Variants in ANKS1B observed in about 807,000 individuals in gnomAD.
ANKS1B encodes the protein ankyrin repeat and sterile alpha motif domain containing 1B, also known as ankyrin repeat and sterile alpha motif domain-containing protein 1B.
In ANKS1B, 36 loss-of-function variants were observed where a neutral mutation model predicts 148.3. The observed-to-expected ratio is 0.24, with a 90% CI of 0.19 to 0.32. ANKS1B has a LOEUF of 0.32. Among genes scored for constraint, ANKS1B ranks in the 10% least tolerant of loss-of-function variants. ANKS1B has a pLI of 1.00. For missense variants in ANKS1B, 1,157 were observed against 1,542.6 expected (o/e 0.75, Z 4.19); for synonymous variants, 542 against 560.8 (o/e 0.97, Z 0.47).
chr12:98,878,195 T>A, intron 17 of ANKS1B, among the ~76,000 whole-genome samples: 2 of 147,986 alleles, frequency 1.4e-5, no homozygotes, highest in Non-Finnish European at 1.5e-5. Flanking sequence ...ACTACTTGTG[T>A]AAAAAGGAGA....
intron 1 of ANKS1B, among the ~76,000 whole-genome samples, chr12:99,888,518 C>A (rs2092937742): frequency 6.6e-6 from 1 of 152,212 alleles, no homozygotes; most frequent in Admixed American, 6.5e-5. Flanking sequence ...GGGCTACTGA[C>A]CCTTAATATT....
intron 12 of ANKS1B, among the ~76,000 whole-genome samples, chr12:99,319,787 C>T (rs974201467): frequency 4.6e-5 from 7 of 152,156 alleles, no homozygotes; most frequent in East Asian, 1.9e-4. Context: ...TTCCTAGCAT[C>T]GATGGTCTTT....
At chr12:99,259,455 C>T (rs1351270465) in intron 12 of ANKS1B, among the ~76,000 whole-genome samples, 3 of 152,222 alleles carry the variant, frequency 2.0e-5, no homozygotes, top group South Asian at 4.1e-4. Context: ...GCATTTACTG[C>T]GGAAGCCAGA....
chr12:99,650,293 ACT>A (rs748125334), intron 9 of ANKS1B, among the ~76,000 whole-genome samples: 17 of 147,952 alleles, frequency 1.1e-4, no homozygotes, highest in Admixed American at 6.9e-4. Flanking sequence ...ACACACACAG[ACT>A]CTCTCTCTCT....
At chr12:98,967,221 T>G (rs2099878908) in intron 17 of ANKS1B, among the ~76,000 whole-genome samples, 1 of 152,052 alleles carries the variant, frequency 6.6e-6, no homozygotes, top group African/African-American at 2.4e-5. Context: ...CCCAAATGAC[T>G]CCTAATATGA....
intron 17 of ANKS1B, among the ~76,000 whole-genome samples, chr12:98,993,537 C>T (rs1211432520): frequency 6.6e-6 from 1 of 152,054 alleles, no homozygotes; most frequent in Non-Finnish European, 1.5e-5. Context: ...TTTACCCTCT[C>T]CATTTCGTAT....
intron 11 of ANKS1B, among the ~76,000 whole-genome samples, chr12:99,401,369 A>G (rs1199512151): frequency 6.8e-6 from 1 of 146,000 alleles, no homozygotes; most frequent in Non-Finnish European, 1.5e-5. Context: ...GCTTTGTTTT[A>G]TTGTGTTGTG....
At chr12:99,657,145 A>T (rs2098453459) in intron 8 of ANKS1B, among the ~76,000 whole-genome samples, 1 of 152,154 alleles carries the variant, frequency 6.6e-6, no homozygotes, top group South Asian at 2.1e-4. Context: ...TCTGTTAACT[A>T]TTTTAATTCA....
rs546574618 is a variant in ANKS1B, at chr12:99,115,687, T to C, written c.2527-30664A>G. Among the ~76,000 whole-genome samples, 136 of 152,196 alleles carry C rather than the reference T, an allele frequency of 8.9e-4. 1 individual carries two copies. Among genetic ancestry groups the C allele is most frequent in the African/African-American group, 3.2e-3 (134 of 41,546 alleles). On this transcript the variant is annotated intron_variant, in intron 15 of 26. Coordinates refer to ENST00000683438, the MANE Select transcript of ANKS1B (RefSeq NM_001352186.2). ...GGCTCACACCTGTAATCCCAGCACT[T>C]TGGGAGGCTGAGGTGGGTGGATCAC... is the stretch of plus-strand genomic sequence containing the variant.
At chr12:99,364,228 A>T (rs528836445) in intron 12 of ANKS1B, among the ~76,000 whole-genome samples, 73 of 152,124 alleles carry the variant, frequency 4.8e-4, no homozygotes, top group Non-Finnish European at 7.1e-4. Flanking sequence ...AAGTACAGTG[A>T]TTTATTAATG....
chr12:99,434,896 A>G (rs933259438), intron 11 of ANKS1B, among the ~76,000 whole-genome samples: 1 of 152,110 alleles, frequency 6.6e-6, no homozygotes, highest in Non-Finnish European at 1.5e-5. Context: ...CAAAAGGAAA[A>G]CACAATATTA....
intron 8 of ANKS1B, among the ~76,000 whole-genome samples, chr12:99,742,699 G>A (rs575096117): frequency 3.2e-4 from 48 of 151,994 alleles, no homozygotes; most frequent in African/African-American, 7.7e-4. Context: ...TTAGCCAGGC[G>A]TGGTGGTGCA....
At chr12:99,775,779 T>G in intron 6 of ANKS1B, 118 bp from the exon 7 acceptor site, 1 of 522,634 alleles carries the variant, frequency 1.9e-6, no homozygotes. Context: ...CCTAAATATA[T>G]CCTAAGTTTT....
chr12:99,896,056 C>G (rs752468432), intron 1 of ANKS1B, among the ~76,000 whole-genome samples: 1 of 151,116 alleles, frequency 6.6e-6, no homozygotes, highest in South Asian at 2.1e-4. Flanking sequence ...ATTAACATAT[C>G]CATCATCTCA....
chr12:99,186,286 G>A (rs143651449), intron 14 of ANKS1B, among the ~76,000 whole-genome samples: 1 of 152,198 alleles, frequency 6.6e-6, no homozygotes, highest in Non-Finnish European at 1.5e-5. Flanking sequence ...AGAGCACCTG[G>A]AGGAAGGGGC....
chr12:99,019,932 G>C (rs2099944772), intron 17 of ANKS1B, among the ~76,000 whole-genome samples: 1 of 152,082 alleles, frequency 6.6e-6, no homozygotes, highest in African/African-American at 2.4e-5. Flanking sequence ...TTGTTACTAT[G>C]GGTCATACTG....
At chr12:99,329,477 T>C (rs757161251) in intron 12 of ANKS1B, among the ~76,000 whole-genome samples, 1 of 151,912 alleles carries the variant, frequency 6.6e-6, no homozygotes, top group South Asian at 2.1e-4. Context: ...CAGGGTAAGG[T>C]TCTACATATA....
chr12:98,962,271 C>A (rs2099872700), intron 17 of ANKS1B, among the ~76,000 whole-genome samples: 1 of 151,156 alleles, frequency 6.6e-6, no homozygotes, highest in South Asian at 2.1e-4. Context: ...TGAAAAAGAG[C>A]AAGAATAGCT....
intron 16 of ANKS1B, among the ~76,000 whole-genome samples, chr12:99,065,673 ATCCATCCATCCAACCATCCATCCG>A (rs1226269788): frequency 4.0e-5 from 5 of 125,162 alleles, no homozygotes; most frequent in African/African-American, 1.0e-4. Context: ...CCATCCATCC[ATCCATCCATCCAACCATCCATCCG>A]TCCACCCACT....
Sources: gnomAD v4.1 joint callset for allele counts (sites outside exome capture counted in the v4.1 genomes callset) on GRCh38, gnomAD v4.1.1 for gene constraint, MANE v1.5 for transcripts, NCBI Gene and HGNC (gene_info 2026-07-23, HGNC 2026-07-21) for gene names.